Variants in BRIP1 observed in about 807,000 individuals in gnomAD.
BRIP1 encodes the protein Fanconi anemia group J protein.
Under a neutral mutation model 119.7 loss-of-function variants are expected in BRIP1, and 88 were observed. The ratio of observed to expected loss-of-function variants is 0.74; its 90% CI spans 0.62 to 0.88. BRIP1 has a LOEUF of 0.88. BRIP1 is among the 40% of genes least tolerant of loss of function. The pLI, the probability that BRIP1 is intolerant of heterozygous loss-of-function variation, is 0.00. For missense variants in BRIP1, 1,259 were observed against 1,455.4 expected (o/e 0.87, Z 2.20); for synonymous variants, 443 against 496.5 (o/e 0.89, Z 1.43).
At chr17:61,849,092 C>T (rs375130843) in intron 5 of BRIP1, 37 bp downstream of exon 5, 60 of 1,609,690 alleles carry the variant, frequency 3.7e-5, no homozygotes, top group Non-Finnish European at 4.9e-5. Flanking sequence ...TCAGCTGTAA[C>T]TAACTGGGTT....
intron 11 of BRIP1, among the ~76,000 whole-genome samples, chr17:61,782,846 T>A (rs979773685): frequency 7.9e-5 from 12 of 152,230 alleles, no homozygotes; most frequent in African/African-American, 2.6e-4. Context: ...ATACAAAAAA[T>A]AAAATAACGA....
At position 61,795,605 on chromosome 17, in the gene BRIP1, T is replaced by C. The variant is rs2145263754; in HGVS notation, c.1341-1876A>G. 6.6e-6 allele frequency among the ~76,000 whole-genome samples: 1 copy of C among 152,274 alleles called. No homozygotes were observed. Among genetic ancestry groups the C allele is most frequent in the East Asian group, 1.9e-4 (1 of 5,190 alleles). On this transcript the variant is annotated intron_variant, in intron 9 of 19. Transcript: ENST00000259008. This position sits in a 1 kb window ranked among gnomAD's most constrained non-coding sequence, Gnocchi z 5.6. ...GATCTCCTTCTGTGTTATGGCTGAATGGTACTCCATTGTGTATATGTAACC... is the reference window on the plus strand; with the variant it reads ...GATCTCCTTCTGTGTTATGGCTGAACGGTACTCCATTGTGTATATGTAACC...
rs769180807 is a variant in BRIP1 at position 61,679,673 on chromosome 17, A to G, written c.*3623T>C. Reference sequence around the variant, plus strand: ...TCTATAGTTAGGGAAGCTTTCATATAGAGCAAGGGTGCACTCCAGATATAT... The same window carrying G: ...TCTATAGTTAGGGAAGCTTTCATATGGAGCAAGGGTGCACTCCAGATATAT... On this transcript the variant is annotated 3_prime_UTR_variant, in exon 20 of 20. Transcript: ENST00000259008. The surrounding 1 kb of genome is among the most constrained non-coding windows in gnomAD (Gnocchi z 4.4). Among the ~76,000 whole-genome samples, 2 of 152,244 alleles carry G rather than the reference A, an allele frequency of 1.3e-5. No homozygotes were observed. Among genetic ancestry groups the G allele is most frequent in the African/African-American group, 2.4e-5 (1 of 41,472 alleles).
intron 6 of BRIP1, among the ~76,000 whole-genome samples, chr17:61,812,914 T>C (rs959609635): frequency 6.6e-6 from 1 of 152,172 alleles, no homozygotes; most frequent in Non-Finnish European, 1.5e-5. Context: ...GTTCAAACGG[T>C]AACATACCAC....
At chr17:61,859,301 T>C (rs1311021391) in intron 3 of BRIP1, among the ~76,000 whole-genome samples, 1 of 152,166 alleles carries the variant, frequency 6.6e-6, no homozygotes, top group East Asian at 1.9e-4. Flanking sequence ...TCTTGCATCT[T>C]TTACATACAA....
At position 61,699,120 on chromosome 17, in the gene BRIP1, G is replaced by A. The variant is rs1382254376; in HGVS notation, c.2493-5608C>T. 2.0e-5 allele frequency among the ~76,000 whole-genome samples: 3 copies of A among 151,950 alleles called. No individual in the cohort carries two copies. The highest frequency in any genetic ancestry group is 1.3e-4 in the Admixed American group (2 of 15,256). On this transcript the variant is annotated intron_variant, in intron 17 of 19. Transcript: ENST00000259008. This position sits in a 1 kb window ranked among gnomAD's most constrained non-coding sequence, Gnocchi z 4.8. ...CTCTCTTTTGTTTACTATTTGCATG[G>A]TATGTCTTTTCCCATCATTTTATTT...
chr17:61,803,066 T>G lies in BRIP1; in HGVS notation c.919-1592A>C, dbSNP rs1385768704. ...AGTAATTTGTGTTTCTTCTTTTATG[T>G]TATCTACTAATGCCCTTTGCCATTC... On this transcript the variant is annotated intron_variant, in intron 7 of 19. Transcript: ENST00000259008. This position sits in a 1 kb window ranked among gnomAD's most constrained non-coding sequence, Gnocchi z 4.3. Among the ~76,000 whole-genome samples the G allele has an allele frequency of 6.6e-6, 1 of 151,514 alleles. No individual in the cohort carries two copies. The highest frequency in any genetic ancestry group is 2.1e-4 in the South Asian group (1 of 4,800).
intron 16 of BRIP1, among the ~76,000 whole-genome samples, chr17:61,721,948 C>T (rs559563784): frequency 1.3e-3 from 199 of 151,614 alleles, no homozygotes; most frequent in African/African-American, 4.6e-3. Context: ...AGGCTGGTCT[C>T]GAACTCCTGA....
Position 61,851,710 on chromosome 17 carries a change from C to G in BRIP1, c.380-2454G>C, listed in dbSNP as rs1405888567. Among the ~76,000 whole-genome samples the G allele has an allele frequency of 1.3e-5, 2 of 152,146 alleles. No homozygotes were observed. The highest frequency in any genetic ancestry group is 6.5e-5 in the Admixed American group (1 of 15,272). On this transcript the variant is annotated intron_variant, in intron 4 of 19. Coordinates refer to ENST00000259008, the MANE Select transcript of BRIP1 (RefSeq NM_032043.3). This position sits in a 1 kb window ranked among gnomAD's most constrained non-coding sequence, Gnocchi z 4.6. ...GGTGGATCAAATCTCTCACCTTGAC[C>G]TGCTTCTTCAAAAGCATCCTGGCTA...
At position 61,690,417 on chromosome 17, in the gene BRIP1, T is replaced by C. The variant is rs887543399; in HGVS notation, c.2575+3013A>G. Among the ~76,000 whole-genome samples the C allele has an allele frequency of 6.6e-6, 1 of 152,212 alleles. No homozygotes were observed. Among genetic ancestry groups the C allele is most frequent in the African/African-American group, 2.4e-5 (1 of 41,454 alleles). On this transcript the variant is annotated intron_variant, in intron 18 of 19. Transcript: ENST00000259008. This position sits in a 1 kb window ranked among gnomAD's most constrained non-coding sequence, Gnocchi z 5.6. ...TATAAAAGGGTATAATTTGTGACTT[T>C]AATAATAAAATGTGATGGGAAAAGT... is the stretch of plus-strand genomic sequence containing the variant.
At position 61,684,263 on chromosome 17, in the gene BRIP1, C is replaced by T; in HGVS notation, c.2906-123G>A. 1 of 1,076,380 alleles carries T rather than the reference C, an allele frequency of 9.3e-7. No individual in the cohort carries two copies. The highest frequency in any genetic ancestry group is 1.3e-6 in the Non-Finnish European group (1 of 761,478). The allele number at this position is 1,076,380 out of a possible 1,614,324, so 66.7% of individuals were successfully genotyped here. On this transcript the variant is annotated intron_variant, in intron 19 of 19. Transcript: ENST00000259008. This position sits in a 1 kb window ranked among gnomAD's most constrained non-coding sequence, Gnocchi z 4.5. Reference sequence around the variant, plus strand: ...TATAGGATACATAACTTAGAGCCCCCAACGAATACTAGTGGATTTTCATCT... The same window carrying T: ...TATAGGATACATAACTTAGAGCCCCTAACGAATACTAGTGGATTTTCATCT...
rs1480769549 is a variant in BRIP1, at chr17:61,853,756, T to C, written c.379+3302A>G. ...TACACATATTAACTCAAAATGGATCTTAGACCTAAATGTAAACCTAAAATT... is the reference window on the plus strand; with the variant it reads ...TACACATATTAACTCAAAATGGATCCTAGACCTAAATGTAAACCTAAAATT... On this transcript the variant is annotated intron_variant, in intron 4 of 19. Transcript: ENST00000259008. This position sits in a 1 kb window ranked among gnomAD's most constrained non-coding sequence, Gnocchi z 4.3. Among the ~76,000 whole-genome samples, 1 of 152,210 alleles carries C rather than the reference T, an allele frequency of 6.6e-6. No individual in the cohort carries two copies. Among genetic ancestry groups the C allele is most frequent in the African/African-American group, 2.4e-5 (1 of 41,460 alleles).
At chr17:61,707,307 T>C (rs1321790352) in intron 17 of BRIP1, among the ~76,000 whole-genome samples, 2 of 148,188 alleles carry the variant, frequency 1.3e-5, no homozygotes, top group East Asian at 4.0e-4. Flanking sequence ...CCTGTCTTTT[T>C]GTCTTTGGAA....
At chr17:61,714,110 A>G (rs2061822106) in intron 17 of BRIP1, among the ~76,000 whole-genome samples, 1 of 152,174 alleles carries the variant, frequency 6.6e-6, no homozygotes, top group African/African-American at 2.4e-5. Context: ...CAGGTGTTCG[A>G]GACCAGCCTG....
intron 1 of BRIP1, among the ~76,000 whole-genome samples, chr17:61,863,036 A>G (rs1008872215): frequency 5.3e-5 from 8 of 152,122 alleles, no homozygotes; most frequent in African/African-American, 1.9e-4. Flanking sequence ...GCTTCCCCCA[A>G]ACATTGCATA....
rs547680506 is a variant in BRIP1, at chr17:61,699,936, G to A, written c.2493-6424C>T. 2.3e-4 allele frequency among the ~76,000 whole-genome samples: 35 copies of A among 152,290 alleles called. No homozygotes were observed. Among genetic ancestry groups the A allele is most frequent in the Non-Finnish European group, 3.7e-4 (25 of 68,028 alleles). ...CACATGTTGCCACAACTCATTGCTCGGGGAAGTGTGTCCTGTGTAACTGCA... is the reference window on the plus strand; with the variant it reads ...CACATGTTGCCACAACTCATTGCTCAGGGAAGTGTGTCCTGTGTAACTGCA... On this transcript the variant is annotated intron_variant, in intron 17 of 19. Coordinates refer to ENST00000259008, the MANE Select transcript of BRIP1 (RefSeq NM_032043.3). This position sits in a 1 kb window ranked among gnomAD's most constrained non-coding sequence, Gnocchi z 4.8.
In BRIP1 at chr17:61,780,844, G is replaced by A. The variant is rs751667661; in HGVS notation, c.1790C>T (p.Ala597Val). The A allele has an allele frequency of 6.2e-7, 1 of 1,614,068 alleles. No homozygotes were observed. The highest frequency in any genetic ancestry group is 1.1e-5 in the South Asian group (1 of 91,076). ...HVLNFWCLNP[A>V]VAFSDINGKV... is the part of the protein sequence containing the mutation. Reference sequence around the variant, plus strand: ...CCATTTACATGATGAGCTTACCACAGCTGGATTTAAGCACCAAAAGTTTAG... The same window carrying A: ...CCATTTACATGATGAGCTTACCACAACTGGATTTAAGCACCAAAAGTTTAG... The change falls in exon 12 of 20, where the codon GCT (alanine) becomes GTT (valine). Residue 597 changes from alanine (A) to valine (V), a missense_variant. This residue lies in a region of BRIP1 where 753 missense variants were observed against 891.8 expected (regional missense o/e 0.84). Transcript: ENST00000259008. The surrounding 1 kb of genome is among the most constrained non-coding windows in gnomAD (Gnocchi z 5.4).
rs1276726818 is a variant in BRIP1 at position 61,775,058 on chromosome 17, G to A, written c.2097+1343C>T. ...TAAATAACTTTTCTTCCAATTTCCC[G>A]GAAGATATTTGTCTCCATATTTAAG... On this transcript the variant is annotated intron_variant, in intron 14 of 19. Transcript: ENST00000259008. The surrounding 1 kb of genome is among the most constrained non-coding windows in gnomAD (Gnocchi z 4.4). Among the ~76,000 whole-genome samples the A allele has an allele frequency of 6.6e-5, 10 of 152,108 alleles. No individual in the cohort carries two copies. The highest frequency in any genetic ancestry group is 1.3e-4 in the Non-Finnish European group (9 of 67,984).
rs2078532834 is a variant in BRIP1, at chr17:61,834,018, T to C, written c.627+13083A>G. Reference sequence around the variant, plus strand: ...ACGCAAAAGTTCCACAGACAATATGTATAAACAAATGTAAAATGCGTTCAA... The same window carrying C: ...ACGCAAAAGTTCCACAGACAATATGCATAAACAAATGTAAAATGCGTTCAA... On this transcript the variant is annotated intron_variant, in intron 6 of 19. Transcript: ENST00000259008. This position sits in a 1 kb window ranked among gnomAD's most constrained non-coding sequence, Gnocchi z 4.4. Among the ~76,000 whole-genome samples the C allele has an allele frequency of 6.6e-6, 1 of 152,186 alleles. No individual in the cohort carries two copies. The highest frequency in any genetic ancestry group is 1.5e-5 in the Non-Finnish European group (1 of 68,034).
Sources: allele counts gnomAD v4.1 joint callset (sites outside exome capture counted in the v4.1 genomes callset), GRCh38; gene constraint gnomAD v4.1.1; regional missense constraint gnomAD v4.1.1; non-coding constraint Gnocchi (gnomAD v3.1); transcripts MANE v1.5; gene names NCBI Gene and HGNC (gene_info 2026-07-23, HGNC 2026-07-21).